Variants in RAB12 observed in about 807,000 individuals in gnomAD.
RAB12 encodes the protein ras-related protein Rab-12.
Under a neutral mutation model 28.4 loss-of-function variants are expected in RAB12, and 11 were observed. The ratio of observed to expected loss-of-function variants is 0.39; its 90% CI spans 0.24 to 0.64. The LOEUF is 0.64. RAB12 is among the 30% of genes least tolerant of loss of function. The pLI is 0.50. For synonymous variants in RAB12, 138 were observed against 145.3 expected (o/e 0.95, Z 0.36); for missense variants, 276 against 351.1 (o/e 0.79, Z 1.71).
chr18:8,613,651 G>T (rs1203413342), intron 1 of RAB12, among the ~76,000 whole-genome samples: 1 of 152,056 alleles, frequency 6.6e-6, no homozygotes, highest in African/African-American at 2.4e-5. Context: ...TGTTAATTTT[G>T]TTTAGGTTGA....
At chr18:8,627,483 T>G (rs889902640) in intron 2 of RAB12, among the ~76,000 whole-genome samples, 2 of 152,250 alleles carry the variant, frequency 1.3e-5, no homozygotes, top group Non-Finnish European at 2.9e-5. Context: ...CATTGCCACA[T>G]ATTTCAGTTT....
intron 1 of RAB12, among the ~76,000 whole-genome samples, chr18:8,624,043 C>T (rs1234249046): frequency 1.3e-5 from 2 of 152,260 alleles, no homozygotes; most frequent in African/African-American, 4.8e-5. Flanking sequence ...CTGCAGCCAC[C>T]ATACCACTCA....
rs750541152 is a variant in RAB12 at position 8,635,632 on chromosome 18, C to T, written c.804+10C>T. On this transcript the variant is annotated intron_variant, in intron 4 of 5. Transcript: ENST00000649141. ...GCAGCAGGGGGAAAAGGTGAGAGGG[C>T]GTGGGAGGCACGGTTGCCACACACT... is the stretch of plus-strand genomic sequence containing the variant. The T allele has an allele frequency of 1.3e-5, 21 of 1,592,430 alleles. 1 individual carries two copies. Among genetic ancestry groups the T allele is most frequent in the South Asian group, 3.4e-5 (3 of 88,748 alleles).
intron 1 of RAB12, among the ~76,000 whole-genome samples, chr18:8,615,428 T>C (rs1376029633): frequency 6.6e-6 from 1 of 152,242 alleles, no homozygotes; most frequent in Non-Finnish European, 1.5e-5. Context: ...CACAGTCTTC[T>C]AAGCCATGAC....
chr18:8,614,866 G>A (rs760867011), intron 1 of RAB12, among the ~76,000 whole-genome samples: 11 of 152,204 alleles, frequency 7.2e-5, no homozygotes, highest in Non-Finnish European at 1.3e-4. Flanking sequence ...TTACAGGTGT[G>A]AGCCATCACC....
At chr18:8,635,424 T>G in intron 3 of RAB12, 109 bp from the exon 4 acceptor site, 5 of 803,544 alleles carry the variant, frequency 6.2e-6, no homozygotes, top group Non-Finnish European at 8.1e-6. Context: ...ACAGTGGAAG[T>G]GAATGGACAA....
rs565224188 is a variant in RAB12 at position 8,629,641 on chromosome 18, G to A, written c.576-3548G>A. 1.2e-4 allele frequency among the ~76,000 whole-genome samples: 18 copies of A among 152,354 alleles called. No homozygotes were observed. The South Asian group carries it at 3.3e-3, about 28-fold the overall frequency. On this transcript the variant is annotated intron_variant, in intron 2 of 5. Coordinates refer to ENST00000649141, the MANE Select transcript of RAB12 (RefSeq NM_001025300.3). The stretch of plus-strand genomic sequence containing the variant: ...AAAGCAAATGGCTTCACTTTATGTG[G>A]AAATGAATTTGCCAGTGAGCTTTCG...
At chr18:8,612,718 TGGA>T (rs2096004522) in intron 1 of RAB12, among the ~76,000 whole-genome samples, 2 of 152,340 alleles carry the variant, frequency 1.3e-5, no homozygotes, top group South Asian at 4.1e-4. Flanking sequence ...TCACCCAGGC[TGGA>T]GTGCAGTGGT....
intron 1 of RAB12, among the ~76,000 whole-genome samples, chr18:8,611,957 C>G (rs929347990): frequency 1.2e-4 from 19 of 152,310 alleles, no homozygotes; most frequent in African/African-American, 4.3e-4. Flanking sequence ...GATCATGGCC[C>G]CTGGCCTGCT....
intron 2 of RAB12, among the ~76,000 whole-genome samples, chr18:8,628,332 G>A (rs1017100262): frequency 1.3e-5 from 2 of 152,116 alleles, no homozygotes; most frequent in Non-Finnish European, 1.5e-5. Flanking sequence ...TTCTTTGGCC[G>A]TACCTGATAG....
At chr18:8,636,516 G>C (rs564817021) in intron 5 of RAB12, among the ~76,000 whole-genome samples, 159 bp downstream of exon 5, 4 of 152,172 alleles carry the variant, frequency 2.6e-5, no homozygotes, top group Non-Finnish European at 4.4e-5. Flanking sequence ...ACAGGCACCC[G>C]GCCTGCTGTA....
intron 5 of RAB12, among the ~76,000 whole-genome samples, chr18:8,637,126 TGTAGTGGC>T (rs2096019399): frequency 6.6e-6 from 1 of 151,970 alleles, no homozygotes; most frequent in African/African-American, 2.4e-5. Context: ...ATTAGCAAGG[TGTAGTGGC>T]ATGTACCTGG....
chr18:8,633,409 T>C, intron 3 of RAB12, 82 bp downstream of exon 3: 1 of 1,487,298 alleles, frequency 6.7e-7, no homozygotes, highest in South Asian at 1.2e-5. Context: ...GGGAAACACA[T>C]GTATTGAGCA....
chr18:8,638,252 G>A lies in RAB12; in HGVS notation c.1013G>A (p.Arg338Gln), dbSNP rs547006682. 12 of 1,610,772 alleles carry A rather than the reference G, an allele frequency of 7.4e-6. No individual in the cohort carries two copies. Among genetic ancestry groups the A allele is most frequent in the African/African-American group, 1.3e-5 (1 of 74,762 alleles). ...CTGCCTCCACCAAGACCACATGTCCGATGCTGTTGATTTCCTACTTTGGAG... is the reference window on the plus strand; with the variant it reads ...CTGCCTCCACCAAGACCACATGTCCAATGCTGTTGATTTCCTACTTTGGAG... Reference protein sequence around the residue: ...PELPPPRPHVRCC With the variant: ...PELPPPRPHVQCC The change falls in exon 6 of 6, where the codon CGA becomes CAA. Residue 338 changes from arginine to glutamine, a missense_variant. Transcript: ENST00000649141.
chr18:8,631,619 A>G (rs996357983), intron 2 of RAB12, among the ~76,000 whole-genome samples: 4 of 152,200 alleles, frequency 2.6e-5, no homozygotes, highest in African/African-American at 4.8e-5. Context: ...GGCTCCCTCC[A>G]TGTCTGTTTC....
At position 8,632,945 on chromosome 18, in the gene RAB12, A is replaced by G. The variant is rs2096016865; in HGVS notation, c.576-244A>G. On this transcript the variant is annotated intron_variant, in intron 2 of 5. Transcript: ENST00000649141. ...CAGGAGAGTATGTTGATCTTGGTTC[A>G]TAATCCATCTCCATTAATCTAATTT... The G allele has an allele frequency of 6.3e-6, 3 of 476,552 alleles. No individual in the cohort carries two copies. In the East Asian group the frequency reaches 1.2e-4, roughly 19 times the overall value. The allele number at this position is 476,552 out of a possible 1,614,324, so 29.5% of individuals were successfully genotyped here.
chr18:8,620,130 T>TTCTTC (rs1567893722), intron 1 of RAB12, among the ~76,000 whole-genome samples: 1 of 119,992 alleles, frequency 8.3e-6, no homozygotes, highest in Non-Finnish European at 1.6e-5. Context: ...TTCTTTTTTT[T>TTCTTC]TTCTTCTTCT....
chr18:8,633,419 A>AG, intron 3 of RAB12, 92 bp downstream of exon 3: 1 of 1,404,668 alleles, frequency 7.1e-7, no homozygotes, highest in Non-Finnish European at 9.9e-7. Flanking sequence ...TGTATTGAGC[A>AG]TGTTTTCATA....
chr18:8,613,137 G>T (rs759858852), intron 1 of RAB12, among the ~76,000 whole-genome samples: 7 of 152,084 alleles, frequency 4.6e-5, no homozygotes, highest in Non-Finnish European at 7.3e-5. Context: ...ATTCACAAGG[G>T]TATGAAAAAC....
Sources: allele counts gnomAD v4.1 joint callset (sites outside exome capture counted in the v4.1 genomes callset), GRCh38; gene constraint gnomAD v4.1.1; transcripts MANE v1.5; gene names NCBI Gene and HGNC (gene_info 2026-07-23, HGNC 2026-07-21).